The following CTNNA1 variants were observed in gnomAD, a reference collection of about 807,000 sequenced individuals.
CTNNA1 encodes catenin alpha 1.
CTNNA1 carries 37 observed loss-of-function variants against 98.4 expected under a neutral mutation model. The observed-to-expected ratio is 0.38, with a 90% CI of 0.29 to 0.49. CTNNA1 has a LOEUF of 0.49. Among genes scored for constraint, CTNNA1 ranks in the 20% least tolerant of loss-of-function variants. CTNNA1 has a pLI of 0.95. For synonymous variants in CTNNA1, 404 were observed against 413.2 expected, an observed-to-expected ratio of 0.98 and a Z score of 0.27; for missense variants, 761 against 1,147.2, an observed-to-expected ratio of 0.66 and a Z score of 4.86.
At chr5:138,799,751 A>T (rs1440097061) in intron 3 of CTNNA1, among the ~76,000 whole-genome samples, 1 of 151,886 alleles carries the variant, frequency 6.6e-6, no homozygotes, top group Non-Finnish European at 1.5e-5. Context: ...AACCCATTAT[A>T]CAGTGTGTTT....
At chr5:138,767,012 A>G (rs906783961) in intron 1 of CTNNA1, among the ~76,000 whole-genome samples, 6 of 148,408 alleles carry the variant, frequency 4.0e-5, no homozygotes, top group African/African-American at 1.0e-4. Context: ...GAACCCTCCA[A>G]TGTCTTCTGA....
At chr5:138,853,506 A>G (rs1399829466) in intron 7 of CTNNA1, among the ~76,000 whole-genome samples, 1 of 151,958 alleles carries the variant, frequency 6.6e-6, no homozygotes, top group Non-Finnish European at 1.5e-5. Context: ...AAAAAAAAAA[A>G]AAGTATTGAA....
chr5:138,755,680 T>A (rs984508163), intron 1 of CTNNA1, among the ~76,000 whole-genome samples: 1 of 151,988 alleles, frequency 6.6e-6, no homozygotes, highest in South Asian at 2.1e-4. Flanking sequence ...TGAGTGCAGG[T>A]GTGTCTCCTG....
chr5:138,754,894 A>C (rs1262782933), intron 1 of CTNNA1: 2 of 151,352 alleles, frequency 1.3e-5, no homozygotes, highest in African/African-American at 4.8e-5. Flanking sequence ...AGTAGTTGGG[A>C]CTACAGGCAC....
chr5:138,874,433 A>G lies in CTNNA1; in HGVS notation c.1063-11779A>G. ...GCCCTGAGAGTCGCAGTAGAAGAGC[A>G]GCTTCTCGCAGCGGCATTTGGGTGG... On this transcript the variant is annotated intron_variant, in intron 7 of 17. Transcript: ENST00000302763. The surrounding 1 kb of genome is among the most constrained non-coding windows in gnomAD (Gnocchi z 4.1). The G allele has an allele frequency of 6.2e-7, 1 of 1,613,882 alleles. No homozygotes were observed. Among genetic ancestry groups the G allele is most frequent in the Non-Finnish European group, 8.5e-7 (1 of 1,179,836 alleles).
intron 7 of CTNNA1, among the ~76,000 whole-genome samples, chr5:138,884,780 G>A (rs1478009090): frequency 1.3e-5 from 2 of 152,120 alleles, no homozygotes; most frequent in South Asian, 4.1e-4. Flanking sequence ...ACTTTGGAAT[G>A]CCCTGGCTGA....
At chr5:138,773,261 C>T (rs115124360) in intron 1 of CTNNA1, among the ~76,000 whole-genome samples, 1,671 of 152,168 alleles carry the variant, frequency 0.011, 26 homozygotes, top group African/African-American at 0.038. Context: ...GAAGACGATA[C>T]GAGCTAAAAT....
intron 7 of CTNNA1, among the ~76,000 whole-genome samples, chr5:138,879,650 G>T (rs982199001): frequency 3.9e-5 from 6 of 152,108 alleles, no homozygotes; most frequent in African/African-American, 1.4e-4. Context: ...TGGAGACAGG[G>T]TCTCACTATG....
At chr5:138,844,366 A>G (rs918204181) in intron 7 of CTNNA1, among the ~76,000 whole-genome samples, 10 of 152,094 alleles carry the variant, frequency 6.6e-5, no homozygotes, top group African/African-American at 2.4e-4. Context: ...CTTGACTTTT[A>G]TATAATTTAG....
chr5:138,861,356 G>C (rs1377308708), intron 7 of CTNNA1, among the ~76,000 whole-genome samples: 2 of 152,130 alleles, frequency 1.3e-5, no homozygotes, highest in Non-Finnish European at 2.9e-5. Flanking sequence ...CCACATGGGC[G>C]ATCCTTACAT....
intron 7 of CTNNA1, 95 bp downstream of exon 7, chr5:138,827,813 AAT>A: frequency 6.8e-7 from 1 of 1,464,926 alleles, no homozygotes; most frequent in Non-Finnish European, 9.3e-7. Flanking sequence ...ATAAATACCA[AAT>A]ATGTCCTTGA....
rs1200227847 is a variant in CTNNA1, at chr5:138,924,700, C to G, written c.1737C>G (p.Leu579=). 1.9e-6 allele frequency: 3 copies of G among 1,574,440 alleles called. No individual in the cohort carries two copies. The highest frequency in any genetic ancestry group is 1.9e-5 in the Admixed American group (1 of 53,668). Residue 579 remains leucine (L), a synonymous_variant, in exon 12 of 18, where the codon CTC becomes CTG. Coordinates refer to ENST00000302763, the MANE Select transcript of CTNNA1 (RefSeq NM_001903.5). ...TEKVLEATKL[L]SNTVMPRFTE... Reference sequence around the variant, plus strand: ...AGGTTCTGGAAGCCACTAAGCTGCTCTCCAACACAGGTACGGGAACTCTCC... The same window carrying G: ...AGGTTCTGGAAGCCACTAAGCTGCTGTCCAACACAGGTACGGGAACTCTCC...
chr5:138,930,765 C>G (rs1765126146), intron 15 of CTNNA1, 65 bp from the exon 16 acceptor site: 1 of 1,527,442 alleles, frequency 6.5e-7, no homozygotes, highest in African/African-American at 1.4e-5. Flanking sequence ...GGACAATCTT[C>G]TTTTTCTACT....
intron 7 of CTNNA1, among the ~76,000 whole-genome samples, chr5:138,842,031 G>T (rs937183809): frequency 6.6e-6 from 1 of 152,152 alleles, no homozygotes; most frequent in Non-Finnish European, 1.5e-5. Flanking sequence ...CCTTGCTCTT[G>T]TGTCTGTAAG....
chr5:138,916,488 A>G (rs1397693985), intron 10 of CTNNA1, among the ~76,000 whole-genome samples: 4 of 148,772 alleles, frequency 2.7e-5, no homozygotes, highest in Non-Finnish European at 5.9e-5. Context: ...TCAGCCTCCC[A>G]AAGTGCTGGG....
intron 9 of CTNNA1, among the ~76,000 whole-genome samples, chr5:138,895,625 A>G (rs980048635): frequency 1.3e-5 from 2 of 152,052 alleles, no homozygotes; most frequent in African/African-American, 2.4e-5. Flanking sequence ...ATTTCTTAGT[A>G]TGTCCTGGTC....
intron 7 of CTNNA1, among the ~76,000 whole-genome samples, chr5:138,848,306 C>T (rs1762904599): frequency 6.6e-6 from 1 of 152,256 alleles, no homozygotes; most frequent in South Asian, 2.1e-4. Flanking sequence ...ATGTAAGGCA[C>T]AACCACTGCT....
chr5:138,808,530 G>C (rs554826189), intron 3 of CTNNA1, among the ~76,000 whole-genome samples: 1 of 151,770 alleles, frequency 6.6e-6, no homozygotes, highest in African/African-American at 2.4e-5. Flanking sequence ...AATATGTGGA[G>C]CGTATCTTTA....
chr5:138,913,573 G>A (rs921815027), intron 10 of CTNNA1, among the ~76,000 whole-genome samples: 1 of 140,674 alleles, frequency 7.1e-6, no homozygotes, highest in African/African-American at 2.8e-5. Context: ...GATAGAGGGA[G>A]ACCCTGTCTC....
Sources: gnomAD v4.1 joint callset for allele counts (sites outside exome capture counted in the v4.1 genomes callset) on GRCh38, gnomAD v4.1.1 for gene constraint, Gnocchi (gnomAD v3.1) non-coding constraint, MANE v1.5 for transcripts, NCBI Gene and HGNC (gene_info 2026-07-23, HGNC 2026-07-21) for gene names.